The following CACNA1E variants were observed in gnomAD, a reference collection of about 807,000 sequenced individuals.
The protein encoded by CACNA1E is voltage-dependent R-type calcium channel subunit alpha-1E.
In CACNA1E, 40 loss-of-function variants were observed where a neutral mutation model predicts 259.2. The ratio of observed to expected loss-of-function variants is 0.15; its 90% CI spans 0.12 to 0.20. CACNA1E has a LOEUF of 0.20. Among genes scored for constraint, CACNA1E ranks in the 10% least tolerant of loss-of-function variants. CACNA1E has a pLI of 1.00. For synonymous variants in CACNA1E, 1,104 were observed against 1,138.5 expected (o/e 0.97, Z 0.61); for missense variants, 1,874 against 3,040.1 (o/e 0.62, Z 9.02).
intron 3 of CACNA1E, among the ~76,000 whole-genome samples, chr1:181,574,515 G>A (rs1169835759): frequency 1.3e-5 from 2 of 152,100 alleles, no homozygotes; most frequent in Non-Finnish European, 2.9e-5. Flanking sequence ...AATTCATCAA[G>A]CCTTTATTGA....
intron 2 of CACNA1E, among the ~76,000 whole-genome samples, chr1:181,476,207 C>T (rs918416224): frequency 2.0e-5 from 3 of 152,150 alleles, no homozygotes; most frequent in African/African-American, 7.2e-5. Flanking sequence ...AGGGGCAGAG[C>T]TAGTAAATGG....
chr1:181,407,227 T>C (rs1294647824), intron 1 of CACNA1E, among the ~76,000 whole-genome samples: 1 of 151,988 alleles, frequency 6.6e-6, no homozygotes, highest in Admixed American at 6.6e-5. Context: ...AGGCAAAAAC[T>C]GATGCCAGTC....
chr1:181,577,625 C>A, intron 3 of CACNA1E, 141 bp from the exon 4 acceptor site: 1 of 527,604 alleles, frequency 1.9e-6, no homozygotes, highest in Non-Finnish European at 3.4e-6. Flanking sequence ...GTGATTCACC[C>A]AAGCTCAGGT....
intron 2 of CACNA1E, among the ~76,000 whole-genome samples, chr1:181,458,729 A>G (rs1661612724): frequency 6.6e-6 from 1 of 152,192 alleles, no homozygotes; most frequent in African/African-American, 2.4e-5. Context: ...TGATTTGGGC[A>G]CACTGCATTA....
chr1:181,609,862 C>A (rs986337289), intron 6 of CACNA1E, among the ~76,000 whole-genome samples: 7 of 152,140 alleles, frequency 4.6e-5, no homozygotes, highest in African/African-American at 1.4e-4. Flanking sequence ...CTCAAGTGGG[C>A]AAAACCAGGA....
intron 6 of CACNA1E, among the ~76,000 whole-genome samples, chr1:181,616,344 T>TG (rs1361171659): frequency 1.7e-5 from 2 of 117,280 alleles, no homozygotes; most frequent in South Asian, 5.2e-4. Flanking sequence ...TGTTTTGTTT[T>TG]GTTTTTTTTG....
intron 38 of CACNA1E, among the ~76,000 whole-genome samples, chr1:181,778,605 A>C (rs1265639352): frequency 1.3e-5 from 2 of 152,172 alleles, no homozygotes; most frequent in East Asian, 3.9e-4. Context: ...AAGATGCTGT[A>C]GCCACTGAAA....
intron 7 of CACNA1E, among the ~76,000 whole-genome samples, chr1:181,680,707 T>TC (rs1649872828): frequency 6.6e-6 from 1 of 152,220 alleles, no homozygotes; most frequent in East Asian, 1.9e-4. Flanking sequence ...ATCCTCTGTG[T>TC]TCCCAGTCAG....
At chr1:181,384,455 C>T (rs936879923) in intron 1 of CACNA1E, among the ~76,000 whole-genome samples, 13 of 152,138 alleles carry the variant, frequency 8.5e-5, no homozygotes, top group Non-Finnish European at 1.5e-5. Context: ...AATGGAGGCC[C>T]TCCAAGCAAC....
chr1:181,385,520 G>A (rs762016813), intron 1 of CACNA1E, among the ~76,000 whole-genome samples: 35 of 152,170 alleles, frequency 2.3e-4, no homozygotes, highest in African/African-American at 2.7e-4. Context: ...CTTTATAAGC[G>A]CGTCCTTGAA....
intron 3 of CACNA1E, among the ~76,000 whole-genome samples, chr1:181,565,081 A>G (rs1649686145): frequency 6.6e-6 from 1 of 152,162 alleles, no homozygotes; most frequent in Non-Finnish European, 1.5e-5. Flanking sequence ...TTAAGTCACT[A>G]ACTGCATTTA....
Position 181,785,834 on chromosome 1 carries a change from A to C in CACNA1E, c.5786+15A>C, listed in dbSNP as rs1244345350. The stretch of plus-strand genomic sequence containing the variant: ...GTTTCAGGCCTGTGAGTAGCACCAA[A>C]ACATCCCTGGCATGGCTGTTTGCAA... On this transcript the variant is annotated intron_variant, in intron 43 of 47. Coordinates refer to ENST00000367573, the MANE Select transcript of CACNA1E (RefSeq NM_001205293.3). 1.3e-6 allele frequency: 2 copies of C among 1,531,862 alleles called. No individual in the cohort carries two copies. Among genetic ancestry groups the C allele is most frequent in the Admixed American group, 3.8e-5 (2 of 53,314 alleles). The allele number at this position is 1,531,862 out of a possible 1,614,324, so 94.9% of individuals were successfully genotyped here.
At chr1:181,539,838 T>C (rs1470593971) in intron 3 of CACNA1E, among the ~76,000 whole-genome samples, 1 of 152,244 alleles carries the variant, frequency 6.6e-6, no homozygotes, top group African/African-American at 2.4e-5. Flanking sequence ...TAGTCTTTGC[T>C]TTTAGTGGCC....
At chr1:181,766,639 G>T (rs766279951) in intron 35 of CACNA1E, 28 bp downstream of exon 35, 2 of 1,539,348 alleles carry the variant, frequency 1.3e-6, no homozygotes, top group African/African-American at 2.7e-5. Context: ...GGGCCCGGTG[G>T]GGGACAGCTG....
chr1:181,684,168 G>A (rs1435472762), intron 7 of CACNA1E, among the ~76,000 whole-genome samples: 6 of 152,006 alleles, frequency 3.9e-5, no homozygotes. Context: ...TTTAATAATG[G>A]CCATTATGAC....
intron 3 of CACNA1E, among the ~76,000 whole-genome samples, chr1:181,548,551 C>T (rs756429840): frequency 1.6e-4 from 24 of 152,192 alleles, no homozygotes; most frequent in Non-Finnish European, 2.8e-4. Flanking sequence ...CCGTAGGCTG[C>T]TTTGTCCACA....
Position 181,580,571 on chromosome 1 carries a change from C to T in CACNA1E, c.770-24C>T, listed in dbSNP as rs373095257. ...ATGCGAAACACCATGTGATTTATCT[C>T]CTACCCTCCAAATGTGTCTGCAGGT... On this transcript the variant is annotated intron_variant, in intron 5 of 47. Coordinates refer to ENST00000367573, the MANE Select transcript of CACNA1E (RefSeq NM_001205293.3). 2.6e-5 allele frequency: 42 copies of T among 1,610,626 alleles called. No individual in the cohort carries two copies. The African/African-American group carries it at 4.9e-4, about 19-fold the overall frequency.
chr1:181,726,621 C>A (rs1009479745), intron 18 of CACNA1E, among the ~76,000 whole-genome samples: 5 of 152,126 alleles, frequency 3.3e-5, no homozygotes, highest in Non-Finnish European at 7.4e-5. Context: ...GGGGCCAACT[C>A]GGAGGTCCTT....
At chr1:181,637,722 A>G (rs1657369697) in intron 6 of CACNA1E, among the ~76,000 whole-genome samples, 1 of 152,116 alleles carries the variant, frequency 6.6e-6, no homozygotes, top group Non-Finnish European at 1.5e-5. Context: ...GCCCACAATG[A>G]TTATGTTGCA....
Sources: allele counts gnomAD v4.1 joint callset (sites outside exome capture counted in the v4.1 genomes callset), GRCh38; gene constraint gnomAD v4.1.1; transcripts MANE v1.5; gene names NCBI Gene and HGNC (gene_info 2026-07-23, HGNC 2026-07-21).